COQ10A: variants seen among roughly 807,000 people sequenced by gnomAD.
COQ10A encodes coenzyme Q10A.
In COQ10A, 25 loss-of-function variants were observed where a neutral mutation model predicts 26.1. That is an observed-to-expected ratio of 0.96 (90% CI 0.70 to 1.34). The LOEUF (loss-of-function observed/expected upper bound fraction) is 1.34. Ranked by LOEUF, COQ10A falls within the 40% of genes most tolerant of loss-of-function variation. The pLI, the probability that COQ10A is intolerant of heterozygous loss-of-function variation, is 0.00. For missense variants in COQ10A, 312 were observed against 335.4 expected (o/e 0.93, Z 0.54); for synonymous variants, 132 against 124.0 (o/e 1.06, Z -0.43).
chr12:56,267,430 C>T lies in COQ10A; in HGVS notation c.134+178C>T, dbSNP rs754332282. On this transcript the variant is annotated intron_variant, in intron 1 of 4. Coordinates refer to ENST00000308197, the MANE Select transcript of COQ10A (RefSeq NM_144576.4). ...CAAGTTGTACGAGAAGGGAAGTTCT[C>T]GGGGTGAGTGTCCAACCTCTTCTTG... 8.7e-6 allele frequency: 14 copies of T among 1,613,802 alleles called. No individual in the cohort carries two copies. In the East Asian group the frequency reaches 2.7e-4, roughly 31 times the overall value.
chr12:56,270,014 A>G, intron 4 of COQ10A, 136 bp from the exon 5 acceptor site: 2 of 829,138 alleles, frequency 2.4e-6, no homozygotes, highest in African/African-American at 3.4e-5. Context: ...CTCAGTCCCA[A>G]GTTAGGGCTC....
At position 56,270,558 on chromosome 12, in the gene COQ10A, G is replaced by A. The variant is rs1872490037; in HGVS notation, c.*241G>A. On this transcript the variant is annotated 3_prime_UTR_variant, in exon 5 of 5. Transcript: ENST00000308197. ...CAGGCCCATCGTAGGAGCACCATAT[G>A]CCTGCAGCCTTTTCACTACGAATTA... 1.3e-5 allele frequency: 6 copies of A among 470,904 alleles called. No individual in the cohort carries two copies. In the South Asian group the frequency reaches 1.9e-4, roughly 15 times the overall value. The allele number at this position is 470,904 out of a possible 1,614,324, so 29.2% of individuals were successfully genotyped here.
chr12:56,267,112 C>A lies in COQ10A; in HGVS notation c.-7C>A. 1 of 1,287,016 alleles carries A rather than the reference C, an allele frequency of 7.8e-7. No individual in the cohort carries two copies. Among genetic ancestry groups the A allele is most frequent in the African/African-American group, 1.6e-5 (1 of 64,256 alleles). 79.7% of individuals were successfully genotyped at this position (1,287,016 alleles called of 1,614,324 possible). A position where few individuals can be genotyped will look rare whatever the true frequency, so the allele number is the denominator to read the frequency against. On this transcript the variant is annotated 5_prime_UTR_variant, in exon 1 of 5. Transcript: ENST00000308197. ...CAGAACTTAGAGGGCCAGGCAGGGT[C>A]GCGCGCATGGCCTGGGCGGGCTCGC...
Position 56,270,320 on chromosome 12 carries a change from C to A in COQ10A, c.*3C>A. The A allele has an allele frequency of 1.9e-6, 3 of 1,613,132 alleles. No individual in the cohort carries two copies. The highest frequency in any genetic ancestry group is 2.5e-6 in the Non-Finnish European group (3 of 1,179,280). ...TCCATGAGGTGCACCAGACTTGAGGCAAGGGATTGCTCCCTGACCTCCCTT... is the reference window on the plus strand; with the variant it reads ...TCCATGAGGTGCACCAGACTTGAGGAAAGGGATTGCTCCCTGACCTCCCTT... On this transcript the variant is annotated 3_prime_UTR_variant, in exon 5 of 5. Coordinates refer to ENST00000308197, the MANE Select transcript of COQ10A (RefSeq NM_144576.4).
At chr12:56,267,768 T>C in intron 1 of COQ10A, 26 bp from the exon 2 acceptor site, 1 of 1,614,080 alleles carries the variant, frequency 6.2e-7, no homozygotes. Flanking sequence ...AACTATACGG[T>C]TGGCTCCTCT....
intron 4 of COQ10A, chr12:56,269,874 G>A (rs1307457384): frequency 1.7e-5 from 9 of 522,738 alleles, no homozygotes; most frequent in Admixed American, 9.8e-5. Context: ...TGATCCGTCC[G>A]CCTTGGCCTC....
chr12:56,269,049 C>G lies in COQ10A; in HGVS notation c.282-10C>G. On this transcript the variant is annotated splice_polypyrimidine_tract_variant and intron_variant, in intron 2 of 4. Transcript: ENST00000308197. ...GGCAGCTCCTTGGCCTGTGATTCTT[C>G]TTCTCCTAGGTACTCAATGCAGGAG... The G allele has an allele frequency of 6.2e-7, 1 of 1,610,518 alleles. No homozygotes were observed. The highest frequency in any genetic ancestry group is 8.5e-7 in the Non-Finnish European group (1 of 1,177,582).
intron 4 of COQ10A, 33 bp from the exon 5 acceptor site, chr12:56,270,116 TG>T: frequency 6.2e-7 from 1 of 1,601,240 alleles, no homozygotes; most frequent in Non-Finnish European, 8.5e-7. Context: ...CAACATGGTC[TG>T]GAAGTTTCTG....
At chr12:56,267,414 C>T (rs756772399) in intron 1 of COQ10A, 162 bp downstream of exon 1, 1 of 1,613,786 alleles carries the variant, frequency 6.2e-7, no homozygotes, top group East Asian at 2.2e-5. Flanking sequence ...GCAAGTTGTA[C>T]GAGAAGGGAA....
intron 2 of COQ10A, 153 bp downstream of exon 2, chr12:56,268,093 A>G: frequency 1.1e-6 from 1 of 929,760 alleles, no homozygotes. Flanking sequence ...CTCCCCTGCC[A>G]CTCTTCCGAC....
chr12:56,267,168 C>T lies in COQ10A; in HGVS notation c.50C>T (p.Ala17Val). 2.2e-6 allele frequency: 3 copies of T among 1,351,984 alleles called. No individual in the cohort carries two copies. Among genetic ancestry groups the T allele is most frequent in the Non-Finnish European group, 2.8e-6 (3 of 1,058,378 alleles). 83.7% of individuals were successfully genotyped at this position (1,351,984 alleles called of 1,614,324 possible). A position where few individuals can be genotyped will look rare whatever the true frequency, so the allele number is the denominator to read the frequency against. ...RRVPAGTRAA[A>V]ERCCRLSLSP... Reference sequence around the variant, plus strand: ...GTCCCAGCTGGGACGCGCGCGGCAGCCGAGCGCTGCTGCCGGCTCTCGCTC... The same window carrying T: ...GTCCCAGCTGGGACGCGCGCGGCAGTCGAGCGCTGCTGCCGGCTCTCGCTC... The change falls in exon 1 of 5, where the codon GCC becomes GTC. Residue 17 changes from alanine to valine, a missense_variant. Ala to Val is a moderately conservative substitution (Grantham distance 64). Coordinates refer to ENST00000308197, the MANE Select transcript of COQ10A (RefSeq NM_144576.4).
At position 56,267,094 on chromosome 12, in the gene COQ10A, T is replaced by C. The variant is rs1184614718; in HGVS notation, c.-25T>C. The C allele has an allele frequency of 1.7e-5, 22 of 1,269,760 alleles. No individual in the cohort carries two copies. Among genetic ancestry groups the C allele is most frequent in the Non-Finnish European group, 2.2e-5 (22 of 1,011,004 alleles). The allele number at this position is 1,269,760 out of a possible 1,614,324, so 78.7% of individuals were successfully genotyped here. On this transcript the variant is annotated 5_prime_UTR_variant, in exon 1 of 5. Coordinates refer to ENST00000308197, the MANE Select transcript of COQ10A (RefSeq NM_144576.4). Reference sequence around the variant, plus strand: ...GGAGGGCGCAGCCCGCGTCAGAACTTAGAGGGCCAGGCAGGGTCGCGCGCA... The same window carrying C: ...GGAGGGCGCAGCCCGCGTCAGAACTCAGAGGGCCAGGCAGGGTCGCGCGCA...
chr12:56,270,215 C>CA lies in COQ10A; in HGVS notation c.645dup (p.Gln216ThrfsTer7), dbSNP rs1273176530. On this transcript the variant is annotated frameshift_variant, in exon 5 of 5. Coordinates refer to ENST00000308197, the MANE Select transcript of COQ10A (RefSeq NM_144576.4). LOFTEE classifies it high-confidence loss of function. ...CCACCATGTTTTTTGATGAGGTTGT[C>CA]AAACAGAATGTTGCTGCCTTTGAGC... 1 of 1,614,180 alleles carries CA rather than the reference C, an allele frequency of 6.2e-7. No homozygotes were observed. The highest frequency in any genetic ancestry group is 2.2e-5 in the East Asian group (1 of 44,890).
Position 56,267,927 on chromosome 12 carries a change from C to A in COQ10A, c.268C>A (p.Arg90Ser). ...CAACAAGCGAAAGGCTTACTCGGAG[C>A]GTAGAATCATGGGGTAAGCATTCTC... Reference protein sequence around the residue: ...FTNKRKAYSERRIMGYSMQEM... With the variant: ...FTNKRKAYSESRIMGYSMQEM... The change falls in exon 2 of 5, where the codon CGT becomes AGT. Residue 90 changes from arginine (R) to serine (S), a missense_variant. Arg to Ser is a moderately radical substitution (Grantham distance 110). Coordinates refer to ENST00000308197, the MANE Select transcript of COQ10A (RefSeq NM_144576.4). The A allele has an allele frequency of 6.2e-7, 1 of 1,614,112 alleles. No homozygotes were observed. The highest frequency in any genetic ancestry group is 8.5e-7 in the Non-Finnish European group (1 of 1,180,020).
rs1419588561 is a variant in COQ10A at position 56,267,096 on chromosome 12, G to C, written c.-23G>C. The stretch of plus-strand genomic sequence containing the variant: ...AGGGCGCAGCCCGCGTCAGAACTTA[G>C]AGGGCCAGGCAGGGTCGCGCGCATG... On this transcript the variant is annotated 5_prime_UTR_variant, in exon 1 of 5. Coordinates refer to ENST00000308197, the MANE Select transcript of COQ10A (RefSeq NM_144576.4). 7.9e-7 allele frequency: 1 copy of C among 1,272,714 alleles called. No homozygotes were observed. The highest frequency in any genetic ancestry group is 3.3e-5 in the East Asian group (1 of 30,632). 78.8% of individuals were successfully genotyped at this position (1,272,714 alleles called of 1,614,324 possible).
At chr12:56,267,365 T>G in intron 1 of COQ10A, 113 bp downstream of exon 1, 2 of 1,613,748 alleles carry the variant, frequency 1.2e-6, no homozygotes, top group South Asian at 1.1e-5. Context: ...GCAGCAATCA[T>G]GCCCTGGGAG....
intron 1 of COQ10A, 166 bp from the exon 2 acceptor site, chr12:56,267,628 C>A: frequency 2.5e-6 from 3 of 1,199,294 alleles, no homozygotes; most frequent in South Asian, 1.3e-5. Flanking sequence ...ACCTTTTGCA[C>A]TCGTGACTCC....
At position 56,267,848 on chromosome 12, in the gene COQ10A, TG is replaced by T; in HGVS notation, c.190del (p.Glu64ArgfsTer67). 6.2e-7 allele frequency: 1 copy of T among 1,614,238 alleles called. No individual in the cohort carries two copies. The highest frequency in any genetic ancestry group is 8.5e-7 in the Non-Finnish European group (1 of 1,180,038). ...LPRAAQILAA[E>X]AGLPSSRSFM... ...CTCGGGCTGCCCAGATCTTGGCGGC[TG>T]AGGCTGGCTTACCTTCGAGCCGTTC... On this transcript the variant is annotated frameshift_variant, in exon 2 of 5. Coordinates refer to ENST00000308197, the MANE Select transcript of COQ10A (RefSeq NM_144576.4). LOFTEE classifies it high-confidence loss of function.
intron 1 of COQ10A, 50 bp from the exon 2 acceptor site, chr12:56,267,744 A>G (rs1872392531): frequency 1.9e-6 from 3 of 1,611,768 alleles, no homozygotes; most frequent in Non-Finnish European, 8.5e-7. Flanking sequence ...TACAAATGAT[A>G]GAGGATTACG....
Sources: gnomAD v4.1 joint callset for allele counts on GRCh38, gnomAD v4.1.1 for gene constraint, MANE v1.5 for transcripts, NCBI Gene and HGNC (gene_info 2026-07-23, HGNC 2026-07-21) for gene names.